AK5: variants seen among roughly 807,000 people sequenced by gnomAD.
The protein encoded by AK5 is adenylate kinase 5, also known as adenylate kinase isoenzyme 5.
In AK5, 27 loss-of-function variants were observed where a neutral mutation model predicts 69.5. That is an observed-to-expected ratio of 0.39 (90% CI 0.29 to 0.54). The LOEUF (loss-of-function observed/expected upper bound fraction) is 0.54, where lower values mean the gene tolerates loss of function less well. AK5 is among the 20% of genes least tolerant of loss of function. The probability of loss-of-function intolerance (pLI) is 0.71; values close to 1 mark genes in which losing one functional copy is unlikely to be tolerated. For synonymous variants in AK5, 260 were observed against 244.4 expected (o/e 1.06, Z -0.60); for missense variants, 531 against 700.4 (o/e 0.76, Z 2.73).
intron 2 of AK5, among the ~76,000 whole-genome samples, chr1:77,290,845 A>T (rs970467709): frequency 6.6e-6 from 1 of 152,188 alleles, no homozygotes; most frequent in African/African-American, 2.4e-5. Context: ...AAGAACAGAC[A>T]TGGCACCTTC....
At chr1:77,510,227 G>T (rs1657263754) in intron 10 of AK5, among the ~76,000 whole-genome samples, 1 of 152,182 alleles carries the variant, frequency 6.6e-6, no homozygotes, top group Non-Finnish European at 1.5e-5. Context: ...AAGTGAAGTG[G>T]TTTCTGCCCT....
At chr1:77,533,509 CAAAAAAAAAAAAA>C (rs10526328) in intron 12 of AK5, among the ~76,000 whole-genome samples, 1 of 94,972 alleles carries the variant, frequency 1.1e-5, no homozygotes, top group East Asian at 2.8e-4. Flanking sequence ...ACTCTGTCAC[CAAAAAAAAAAAAA>C]AAAAAAAAAA....
At chr1:77,393,142 G>T (rs796370611) in intron 6 of AK5, among the ~76,000 whole-genome samples, 5 of 152,136 alleles carry the variant, frequency 3.3e-5, no homozygotes, top group African/African-American at 1.2e-4. Flanking sequence ...TACAGACAGG[G>T]TCTCACTATG....
At chr1:77,432,569 G>T (rs1442059407) in intron 8 of AK5, among the ~76,000 whole-genome samples, 1 of 152,136 alleles carries the variant, frequency 6.6e-6, no homozygotes, top group Non-Finnish European at 1.5e-5. Context: ...TTTGTATAAT[G>T]GTTTTGAGCC....
At chr1:77,426,379 A>G (rs1046147006) in intron 8 of AK5, among the ~76,000 whole-genome samples, 4 of 152,326 alleles carry the variant, frequency 2.6e-5, no homozygotes, top group Non-Finnish European at 4.4e-5. Flanking sequence ...GTTATCAGAG[A>G]TTTTTTAAAG....
At chr1:77,351,424 A>G (rs898120380) in intron 6 of AK5, among the ~76,000 whole-genome samples, 1 of 152,130 alleles carries the variant, frequency 6.6e-6, no homozygotes, top group African/African-American at 2.4e-5. Context: ...ATGAATAGCT[A>G]TGGCTTAAAT....
chr1:77,445,403 C>T (rs1338192370), intron 8 of AK5, among the ~76,000 whole-genome samples: 2 of 151,954 alleles, frequency 1.3e-5, no homozygotes, highest in Admixed American at 1.3e-4. Flanking sequence ...TTTTCATGTA[C>T]CTGTTGGCCA....
chr1:77,461,033 A>AT (rs76222124), intron 8 of AK5, among the ~76,000 whole-genome samples: 7,705 of 135,230 alleles, frequency 0.057, 270 homozygotes, highest in South Asian at 0.088. Context: ...TGTATGTGAA[A>AT]TTTTTTTTTT....
At chr1:77,478,863 T>TAC (rs1352279498) in intron 8 of AK5, among the ~76,000 whole-genome samples, 3 of 151,872 alleles carry the variant, frequency 2.0e-5, no homozygotes, top group Non-Finnish European at 4.4e-5. Flanking sequence ...GGAAAGCACA[T>TAC]ATATACCCCA....
At chr1:77,539,778 C>T (rs925606887) in intron 13 of AK5, among the ~76,000 whole-genome samples, 1 of 152,160 alleles carries the variant, frequency 6.6e-6, no homozygotes, top group Non-Finnish European at 1.5e-5. Context: ...CAGCTTGTGG[C>T]CTGCTCCTGT....
intron 5 of AK5, chr1:77,313,861 G>A (rs540873773): frequency 7.5e-6 from 4 of 532,854 alleles, no homozygotes; most frequent in African/African-American, 5.8e-5. Flanking sequence ...TGCTCCCTGC[G>A]GGGTATGTCC....
intron 6 of AK5, among the ~76,000 whole-genome samples, chr1:77,384,040 C>A (rs888653961): frequency 4.6e-5 from 7 of 151,922 alleles, no homozygotes; most frequent in Admixed American, 1.3e-4. Flanking sequence ...TTCTTCATAT[C>A]TAAATTTCAC....
At chr1:77,361,829 T>C (rs888523489) in intron 6 of AK5, among the ~76,000 whole-genome samples, 2 of 152,014 alleles carry the variant, frequency 1.3e-5, no homozygotes, top group Admixed American at 6.6e-5. Flanking sequence ...AGGAAAGACA[T>C]CCTCACCCCC....
intron 5 of AK5, among the ~76,000 whole-genome samples, chr1:77,310,276 T>G (rs1659870291): frequency 3.3e-5 from 5 of 152,202 alleles, no homozygotes. Context: ...CAGTTCTTTC[T>G]TCTGTTTATA....
intron 5 of AK5, among the ~76,000 whole-genome samples, chr1:77,335,608 T>G (rs1404136933): frequency 6.6e-6 from 1 of 152,126 alleles, no homozygotes; most frequent in Non-Finnish European, 1.5e-5. Flanking sequence ...CATAAACAAT[T>G]TAAGTATATT....
chr1:77,345,660 G>A (rs1207454993), intron 6 of AK5, among the ~76,000 whole-genome samples: 6 of 152,140 alleles, frequency 3.9e-5, no homozygotes, highest in Admixed American at 3.9e-4. Context: ...GAGAGCACAG[G>A]CCTGTCAAAC....
At chr1:77,500,609 C>A (rs749426758) in intron 10 of AK5, among the ~76,000 whole-genome samples, 2 of 152,066 alleles carry the variant, frequency 1.3e-5, no homozygotes, top group Non-Finnish European at 2.9e-5. Flanking sequence ...ATGGTGAAAC[C>A]CCGTCTCTAC....
chr1:77,491,661 A>G (rs1179302417), intron 10 of AK5, among the ~76,000 whole-genome samples: 1 of 152,180 alleles, frequency 6.6e-6, no homozygotes, highest in African/African-American at 2.4e-5. Context: ...TTTTGATGGA[A>G]TTGACCCACG....
intron 5 of AK5, among the ~76,000 whole-genome samples, chr1:77,319,199 G>A (rs1187747925): frequency 6.6e-6 from 1 of 152,162 alleles, no homozygotes; most frequent in African/African-American, 2.4e-5. Context: ...TGATTCCACA[G>A]GATGAGAGCC....
Sources: gnomAD v4.1 joint callset for allele counts (sites outside exome capture counted in the v4.1 genomes callset) on GRCh38, gnomAD v4.1.1 for gene constraint, MANE v1.5 for transcripts, NCBI Gene and HGNC (gene_info 2026-07-23, HGNC 2026-07-21) for gene names.